THEMIS: variants seen among roughly 807,000 people sequenced by gnomAD.
THEMIS encodes the protein thymocyte selection associated, also known as protein THEMIS.
In THEMIS, 37 loss-of-function variants were observed where a neutral mutation model predicts 52.6. The observed-to-expected ratio is 0.70, with a 90% CI of 0.54 to 0.93. The LOEUF (loss-of-function observed/expected upper bound fraction) is 0.93. THEMIS is among the 40% of genes least tolerant of loss of function. The pLI is 0.00. For missense variants in THEMIS, 808 were observed against 763.1 expected (o/e 1.06, Z -0.69); for synonymous variants, 292 against 272.7 (o/e 1.07, Z -0.70).
chr6:127,724,666 C>A (rs1342900807), intron 4 of THEMIS, among the ~76,000 whole-genome samples: 7 of 152,032 alleles, frequency 4.6e-5, no homozygotes, highest in African/African-American at 1.7e-4. Flanking sequence ...ACAATCCTGT[C>A]TGCTAATTTG....
intron 1 of THEMIS, among the ~76,000 whole-genome samples, chr6:127,891,560 A>G (rs1174099017): frequency 6.7e-6 from 1 of 148,748 alleles, no homozygotes; most frequent in African/African-American, 2.5e-5. Context: ...AAAAAAAGAA[A>G]GAAACAAAGA....
intron 1 of THEMIS, among the ~76,000 whole-genome samples, chr6:127,890,122 G>A (rs990722885): frequency 6.6e-6 from 1 of 152,068 alleles, no homozygotes; most frequent in Admixed American, 6.6e-5. Context: ...TGATAAACCT[G>A]CTGTATGAGT....
At chr6:127,885,312 A>G (rs1264436629) in intron 1 of THEMIS, among the ~76,000 whole-genome samples, 1 of 152,110 alleles carries the variant, frequency 6.6e-6, no homozygotes, top group Non-Finnish European at 1.5e-5. Flanking sequence ...TTTCTTAGTT[A>G]CCAGGTTATC....
At chr6:127,907,368 C>G (rs1206858860) in intron 1 of THEMIS, among the ~76,000 whole-genome samples, 1 of 10,332 alleles carries the variant, frequency 9.7e-5, no homozygotes, top group South Asian at 1.7e-3. Context: ...TTTTTTTTTG[C>G]ATGAGCGACA....
At chr6:127,734,565 A>T (rs1349119818) in intron 4 of THEMIS, among the ~76,000 whole-genome samples, 1 of 152,060 alleles carries the variant, frequency 6.6e-6, no homozygotes, top group East Asian at 1.9e-4. Context: ...CTTGTGTAAG[A>T]CGTGAGGGTG....
chr6:127,816,848 G>A (rs1313819000), intron 3 of THEMIS, among the ~76,000 whole-genome samples: 3 of 152,026 alleles, frequency 2.0e-5, no homozygotes, highest in African/African-American at 4.8e-5. Flanking sequence ...CTAACTCCCC[G>A]CTGTCTCCCG....
intron 4 of THEMIS, chr6:127,807,307 C>T: frequency 4.2e-6 from 1 of 237,702 alleles, no homozygotes; most frequent in Non-Finnish European, 8.7e-6. Flanking sequence ...TTGCAGCGAG[C>T]CAAGATCACG....
rs193288547 is a variant in THEMIS at position 127,794,181 on chromosome 6, A to T, written c.1758+18702T>A. On this transcript the variant is annotated intron_variant, in intron 4 of 5. Transcript: ENST00000368248. ...GATGTAGAATTAACCATTTCTTATT[A>T]TCTCCATTGCTATCTTCCTAGCCCA... 1.7e-3 allele frequency among the ~76,000 whole-genome samples: 252 copies of T among 152,324 alleles called. 4 individuals carry two copies. Among genetic ancestry groups the T allele is most frequent in the Admixed American group, 3.3e-3 (50 of 15,308 alleles).
At chr6:127,801,687 C>T (rs1777541167) in intron 4 of THEMIS, among the ~76,000 whole-genome samples, 1 of 152,124 alleles carries the variant, frequency 6.6e-6, no homozygotes, top group Admixed American at 6.5e-5. Context: ...GAGATAAACC[C>T]TGCGCTGCCT....
intron 1 of THEMIS, among the ~76,000 whole-genome samples, chr6:127,870,634 G>T (rs1780129137): frequency 6.6e-6 from 1 of 152,082 alleles, no homozygotes; most frequent in Non-Finnish European, 1.5e-5. Context: ...AAAGAAGATG[G>T]ATGGAAAATG....
intron 4 of THEMIS, among the ~76,000 whole-genome samples, chr6:127,774,207 A>T (rs184719190): frequency 7.7e-4 from 118 of 152,304 alleles, no homozygotes; most frequent in African/African-American, 2.6e-3. Context: ...TTTTAATTTT[A>T]ATTTTTATTT....
At chr6:127,736,442 TA>T (rs1447514574) in intron 4 of THEMIS, among the ~76,000 whole-genome samples, 2 of 152,052 alleles carry the variant, frequency 1.3e-5, no homozygotes, top group African/African-American at 4.8e-5. Flanking sequence ...AAATTGATAA[TA>T]GGGGAAATTT....
At chr6:127,798,970 C>T (rs1330772304) in intron 4 of THEMIS, among the ~76,000 whole-genome samples, 10 of 131,392 alleles carry the variant, frequency 7.6e-5, no homozygotes, top group East Asian at 2.2e-4. Flanking sequence ...CCAGCCTGGG[C>T]GACAGAGCGA....
intron 1 of THEMIS, among the ~76,000 whole-genome samples, chr6:127,908,619 A>G (rs1781335666): frequency 6.6e-6 from 1 of 152,138 alleles, no homozygotes; most frequent in Non-Finnish European, 1.5e-5. Flanking sequence ...CTTTCCTCAG[A>G]ACCATGAAAT....
rs528192791 is a variant in THEMIS, at chr6:127,760,647, G to C, written c.1759-40824C>G. 2.0e-5 allele frequency among the ~76,000 whole-genome samples: 3 copies of C among 152,150 alleles called. No homozygotes were observed. In the East Asian group the frequency reaches 5.8e-4, roughly 29 times the overall value. On this transcript the variant is annotated intron_variant, in intron 4 of 5. Coordinates refer to ENST00000368248, the MANE Select transcript of THEMIS (RefSeq NM_001010923.3). The stretch of plus-strand genomic sequence containing the variant: ...AAAAAATTAAAAACTAGCCAGGCAT[G>C]GTGGTGCATCTCTAGGTACTAGAGT...
chr6:127,755,834 C>G (rs1347203578), intron 4 of THEMIS, among the ~76,000 whole-genome samples: 2 of 151,912 alleles, frequency 1.3e-5, no homozygotes, highest in Admixed American at 6.6e-5. Flanking sequence ...CAAGACCAGC[C>G]TGGCCAAAAT....
intron 2 of THEMIS, among the ~76,000 whole-genome samples, chr6:127,832,754 A>G (rs1160649822): frequency 8.6e-6 from 1 of 116,776 alleles, no homozygotes; most frequent in Non-Finnish European, 1.8e-5. Flanking sequence ...ATAGATGTCT[A>G]TTTCCACCTA....
At chr6:127,834,969 A>G (rs1329858563) in intron 2 of THEMIS, among the ~76,000 whole-genome samples, 1 of 152,206 alleles carries the variant, frequency 6.6e-6, no homozygotes, top group South Asian at 2.1e-4. Flanking sequence ...TCTCCCAGGC[A>G]GCGAGAGTGA....
chr6:127,775,728 A>G (rs1478469678), intron 4 of THEMIS, among the ~76,000 whole-genome samples: 4 of 152,090 alleles, frequency 2.6e-5, no homozygotes, highest in African/African-American at 9.7e-5. Flanking sequence ...ATGAAATGAT[A>G]CAGTATTTAC....
Sources: allele counts gnomAD v4.1 joint callset (sites outside exome capture counted in the v4.1 genomes callset), GRCh38; gene constraint gnomAD v4.1.1; transcripts MANE v1.5; gene names NCBI Gene and HGNC (gene_info 2026-07-23, HGNC 2026-07-21).